TDP2: variants seen among roughly 807,000 people sequenced by gnomAD.
The protein encoded by TDP2 is 5'-Tyr-DNA phosphodiesterase.
TDP2 carries 38 observed loss-of-function variants against 42.8 expected under a neutral mutation model. The observed-to-expected ratio is 0.89, with a 90% CI of 0.68 to 1.16. TDP2 has a LOEUF of 1.16. TDP2 is among the 50% of genes most tolerant of loss of function. TDP2 has a pLI of 0.00. For synonymous variants in TDP2, 173 were observed against 150.6 expected, an observed-to-expected ratio of 1.15 and a Z score of -1.09; for missense variants, 439 against 439.3, an observed-to-expected ratio of 1.00 and a Z score of 0.01.
intron 4 of TDP2, among the ~76,000 whole-genome samples, chr6:24,656,947 G>C (rs1778069306): frequency 6.6e-6 from 1 of 152,146 alleles, no homozygotes; most frequent in South Asian, 2.1e-4. Context: ...ATACAAAATA[G>C]TTCCATAAAG....
At chr6:24,663,580 T>A (rs1778188103) in intron 2 of TDP2, among the ~76,000 whole-genome samples, 1 of 152,168 alleles carries the variant, frequency 6.6e-6, no homozygotes, top group Non-Finnish European at 1.5e-5. Flanking sequence ...TGGAGGCAGA[T>A]CCCTCATTAA....
intron 3 of TDP2, 139 bp downstream of exon 3, chr6:24,658,421 GC>G (rs1778090450): frequency 1.6e-6 from 1 of 634,086 alleles, no homozygotes; most frequent in Non-Finnish European, 2.5e-6. Flanking sequence ...GCTCTCAGAG[GC>G]AATCATCTTA....
rs748967921 is a variant in TDP2 at position 24,654,545 on chromosome 6, GGAAAA to G, written c.518-20_518-16del. Reference sequence around the variant, plus strand: ...TTCTTCATGACCTACAAATGTTTGTGGAAAAGAATTTAGGCTGAGAAGGTGAGAGT... The same window carrying G: ...TTCTTCATGACCTACAAATGTTTGTGGAATTTAGGCTGAGAAGGTGAGAGT... On this transcript the variant is annotated splice_polypyrimidine_tract_variant and intron_variant, in intron 4 of 6. Transcript: ENST00000378198. 5.1e-6 allele frequency: 7 copies of G among 1,377,146 alleles called. No individual in the cohort carries two copies. In the African/African-American group the frequency reaches 1.0e-4, roughly 20 times the overall value. The allele number at this position is 1,377,146 out of a possible 1,614,324, so 85.3% of individuals were successfully genotyped here.
intron 3 of TDP2, 47 bp from the exon 4 acceptor site, chr6:24,657,950 AT>A: frequency 4.6e-6 from 6 of 1,303,348 alleles, no homozygotes; most frequent in African/African-American, 1.5e-5. Context: ...ATACCATTTC[AT>A]TTTCAGCTAC....
Position 24,666,786 on chromosome 6 carries a change from C to G in TDP2, c.77G>C (p.Arg26Pro), listed in dbSNP as rs764713488. ...CGAGGCAAACTCCACACACAGAAGTCGCCGCTTTTTCACCTCAGGCTCGCC... is the reference window on the plus strand; with the variant it reads ...CGAGGCAAACTCCACACACAGAAGTGGCCGCTTTTTCACCTCAGGCTCGCC... Reference protein sequence around the residue: ...EEGEPEVKKRRLLCVEFASVA... With the variant: ...EEGEPEVKKRPLLCVEFASVA... The change falls in exon 1 of 7, where the codon CGA (arginine) becomes CCA (proline). Residue 26 changes from arginine to proline, a missense_variant. Physicochemically the swap from Arg to Pro is moderately radical, Grantham distance 103. Coordinates refer to ENST00000378198, the MANE Select transcript of TDP2 (RefSeq NM_016614.3). The G allele has an allele frequency of 1.2e-6, 2 of 1,614,130 alleles. No individual in the cohort carries two copies. The highest frequency in any genetic ancestry group is 2.7e-5 in the African/African-American group (2 of 74,954).
intron 2 of TDP2, chr6:24,666,166 C>T (rs1235480895): frequency 4.5e-6 from 7 of 1,550,436 alleles, no homozygotes; most frequent in Non-Finnish European, 6.1e-6. Context: ...ATAAACAATA[C>T]AGGAAGCAAG....
intron 3 of TDP2, among the ~76,000 whole-genome samples, chr6:24,658,185 A>G (rs769694075): frequency 6.6e-6 from 1 of 152,224 alleles, no homozygotes; most frequent in Non-Finnish European, 1.5e-5. Context: ...GATGCTTTCA[A>G]TGTTTCTTTC....
At chr6:24,660,569 G>C (rs1778125451) in intron 2 of TDP2, among the ~76,000 whole-genome samples, 1 of 152,156 alleles carries the variant, frequency 6.6e-6, no homozygotes, top group Non-Finnish European at 1.5e-5. Context: ...ATAGAGATGT[G>C]GTTATGTGGT....
In TDP2 at chr6:24,652,999, T is replaced by C. The variant is rs747429858; in HGVS notation, c.791A>G (p.Asn264Ser). ...GTCACTCACCTCTCGATCCCTTAGA[T>C]TTGTATCTCCTGCAAATATAACTGT... ...SATVIFAGDT[N>S]LRDREVTRCG... is the part of the protein sequence containing the mutation. The change falls in exon 6 of 7, where the codon AAT becomes AGT. Residue 264 changes from asparagine to serine, a missense_variant. Physicochemically the swap from Asn to Ser is conservative, Grantham distance 46. Coordinates refer to ENST00000378198, the MANE Select transcript of TDP2 (RefSeq NM_016614.3). The C allele has an allele frequency of 6.2e-7, 1 of 1,613,666 alleles. No individual in the cohort carries two copies. Among genetic ancestry groups the C allele is most frequent in the Non-Finnish European group, 8.5e-7 (1 of 1,180,016 alleles).
chr6:24,653,254 C>CTGAATGGTATA, intron 5 of TDP2, 101 bp from the exon 6 acceptor site: 1 of 1,233,940 alleles, frequency 8.1e-7, no homozygotes, highest in Non-Finnish European at 1.1e-6. Context: ...TATATATTTA[C>CTGAATGGTATA]TAAACTGAAA....
intron 4 of TDP2, among the ~76,000 whole-genome samples, chr6:24,654,931 G>A (rs960632661): frequency 7.2e-5 from 11 of 152,142 alleles, no homozygotes; most frequent in Non-Finnish European, 1.2e-4. Context: ...CCAGCTACTC[G>A]GGAGGCTGAA....
Position 24,662,715 on chromosome 6 carries a change from C to T in TDP2, c.251+3811G>A, listed in dbSNP as rs555659155. ...TTTCTTCCTCTATACTTTGTCTCTC[C>T]GTCTTATTTATTTTCTCAGTCTCTC... On this transcript the variant is annotated intron_variant, in intron 2 of 6. Coordinates refer to ENST00000378198, the MANE Select transcript of TDP2 (RefSeq NM_016614.3). Among the ~76,000 whole-genome samples the T allele has an allele frequency of 1.1e-4, 17 of 152,274 alleles. No individual in the cohort carries two copies. The South Asian group carries it at 1.7e-3, about 15-fold the overall frequency.
chr6:24,650,657 ACC>A lies in TDP2; in HGVS notation c.*129_*130del. 2 of 854,582 alleles carry A rather than the reference ACC, an allele frequency of 2.3e-6. No homozygotes were observed. Among genetic ancestry groups the A allele is most frequent in the Non-Finnish European group, 3.6e-6 (2 of 559,926 alleles). The allele number at this position is 854,582 out of a possible 1,614,324, so 52.9% of individuals were successfully genotyped here. A position where few individuals can be genotyped will look rare whatever the true frequency, so the allele number is the denominator to read the frequency against. ...TTTAATGTTGAATTCTGAAAACACA[ACC>A]ATAAATCATAGTTGGTTTTTCTGTG... is the stretch of plus-strand genomic sequence containing the variant. On this transcript the variant is annotated 3_prime_UTR_variant, in exon 7 of 7. Transcript: ENST00000378198.
intron 2 of TDP2, chr6:24,666,141 T>C: frequency 6.4e-7 from 1 of 1,550,484 alleles, no homozygotes; most frequent in South Asian, 1.2e-5. Flanking sequence ...CCGGTCAGCC[T>C]AGGGCCTAGA....
In TDP2 at chr6:24,666,598, G is replaced by T; in HGVS notation, c.179C>A (p.Ser60Tyr). The change falls in exon 2 of 7, where the codon TCC becomes TAC. Residue 60 changes from serine (S) to tyrosine (Y), a missense_variant. By Grantham distance (144) the Ser-to-Tyr change is moderately radical. Coordinates refer to ENST00000378198, the MANE Select transcript of TDP2 (RefSeq NM_016614.3). The part of the protein sequence containing the change: ...NDWEMERALN[S>Y]YFEPPVEESA... The stretch of plus-strand genomic sequence containing the variant: ...CTCCTCCACCGGAGGCTCGAAGTAG[G>T]AGTTCAGAGCCCTCTGAAAAACAAA... 6.2e-7 allele frequency: 1 copy of T among 1,614,204 alleles called. No individual in the cohort carries two copies.
intron 2 of TDP2, among the ~76,000 whole-genome samples, chr6:24,662,630 T>C (rs1778169816): frequency 6.6e-6 from 1 of 151,956 alleles, no homozygotes; most frequent in African/African-American, 2.4e-5. Flanking sequence ...CTGAGGGAAC[T>C]CAGAGACCAG....
chr6:24,661,441 A>G (rs1778146228), intron 2 of TDP2, among the ~76,000 whole-genome samples: 1 of 152,028 alleles, frequency 6.6e-6, no homozygotes, highest in African/African-American at 2.4e-5. Context: ...TTTTCTGGGC[A>G]CCTCCTTACT....
In TDP2 at chr6:24,658,755, C is replaced by T. The variant is rs1322733872; in HGVS notation, c.252-21G>A. The T allele has an allele frequency of 2.5e-6, 4 of 1,588,592 alleles. No individual in the cohort carries two copies. In the South Asian group the frequency reaches 3.4e-5, roughly 14 times the overall value. ...CAACACTGGCAAGATCAGAATAAAA[C>T]ATGGCTTTGCAAATAATCTATAAAT... On this transcript the variant is annotated intron_variant, in intron 2 of 6. Transcript: ENST00000378198.
chr6:24,655,192 T>C (rs1330865347), intron 4 of TDP2, among the ~76,000 whole-genome samples: 3 of 152,244 alleles, frequency 2.0e-5, no homozygotes, highest in Non-Finnish European at 4.4e-5. Context: ...CTACTTCTCA[T>C]ACTAGAAGTT....
Sources: gnomAD v4.1 joint callset for allele counts (sites outside exome capture counted in the v4.1 genomes callset) on GRCh38, gnomAD v4.1.1 for gene constraint, MANE v1.5 for transcripts, NCBI Gene and HGNC (gene_info 2026-07-23, HGNC 2026-07-21) for gene names.